The following EVC variants were observed in gnomAD, a reference collection of about 807,000 sequenced individuals.
The protein encoded by EVC is EvC ciliary complex subunit 1, also known as evC complex member EVC.
Under a neutral mutation model 118.9 loss-of-function variants are expected in EVC, and 116 were observed. The observed-to-expected ratio is 0.98, with a 90% confidence interval of 0.84 to 1.14. The LOEUF (loss-of-function observed/expected upper bound fraction) is 1.14. EVC is among the 50% of genes most tolerant of loss of function. EVC has a pLI of 0.00. For missense variants in EVC, 1,401 were observed against 1,246.4 expected (o/e 1.12, Z -1.87); for synonymous variants, 619 against 534.7 (o/e 1.16, Z -2.18).
Position 5,798,296 on chromosome 4 carries a change from A to T in EVC, c.2098-290A>T, listed in dbSNP as rs532123792. Among the ~76,000 whole-genome samples, 21 of 152,116 alleles carry T rather than the reference A, an allele frequency of 1.4e-4. No homozygotes were observed. Among genetic ancestry groups the T allele is most frequent in the African/African-American group, 4.8e-4 (20 of 41,462 alleles). ...TCAGTGCTAGTGTTCAGGTCTCATG[A>T]TGTTCTAGAAGGATGAGCAAGGCCC... is the stretch of plus-strand genomic sequence containing the variant. On this transcript the variant is annotated intron_variant, in intron 14 of 20. Transcript: ENST00000264956. This position sits in a 1 kb window ranked among gnomAD's most constrained non-coding sequence, Gnocchi z 4.1.
intron 11 of EVC, among the ~76,000 whole-genome samples, chr4:5,772,079 G>A (rs774532963): frequency 4.7e-4 from 72 of 151,952 alleles, no homozygotes; most frequent in Non-Finnish European, 8.5e-4. Context: ...TGTATTTTTA[G>A]TAGAGACAAG....
rs1163839051 is a variant in EVC at position 5,754,595 on chromosome 4, T to G, written c.1464+662T>G. 6.6e-6 allele frequency among the ~76,000 whole-genome samples: 1 copy of G among 151,998 alleles called. No individual in the cohort carries two copies. The highest frequency in any genetic ancestry group is 2.0e-4 in the East Asian group (1 of 5,126). On this transcript the variant is annotated intron_variant, in intron 10 of 20. Transcript: ENST00000264956. This position sits in a 1 kb window ranked among gnomAD's most constrained non-coding sequence, Gnocchi z 5.8. ...TCGCTCTGCTTGCTTTCACTAGTAA[T>G]GGGCAGTGGGGCTGGGAGAGGACCA...
At chr4:5,773,007 G>C (rs1425641860) in intron 11 of EVC, among the ~76,000 whole-genome samples, 1 of 152,120 alleles carries the variant, frequency 6.6e-6, no homozygotes, top group Non-Finnish European at 1.5e-5. Context: ...AGCCTGGGGG[G>C]AGCATGTGTG....
chr4:5,732,371 T>A (rs73795031), intron 4 of EVC, among the ~76,000 whole-genome samples: 2 of 152,114 alleles, frequency 1.3e-5, no homozygotes, highest in African/African-American at 4.8e-5. Flanking sequence ...AACACTGGGC[T>A]CAGCACCTTG....
At chr4:5,773,036 T>C (rs3856954) in intron 11 of EVC, among the ~76,000 whole-genome samples, 1,761 of 152,310 alleles carry the variant, frequency 0.012, 49 homozygotes, top group African/African-American at 0.04. Context: ...CCTGTTGGGC[T>C]GTGAACTCCC....
intron 11 of EVC, among the ~76,000 whole-genome samples, chr4:5,759,252 G>A (rs374247039): frequency 3.3e-5 from 4 of 121,266 alleles, no homozygotes; most frequent in South Asian, 3.3e-4. Context: ...TGCAGGAGAC[G>A]TTGCCTACTG....
At chr4:5,823,655 T>C in the EVC span, among the ~76,000 whole-genome samples, 7 of 152,202 alleles carry the variant, frequency 4.6e-5, no homozygotes, top group Admixed American at 4.6e-4. Context: ...ACCTCTGCCT[T>C]CTTCCTCTGT....
intron 12 of EVC, among the ~76,000 whole-genome samples, chr4:5,791,636 A>G (rs1406656550): frequency 6.6e-6 from 1 of 152,172 alleles, no homozygotes; most frequent in Non-Finnish European, 1.5e-5. Flanking sequence ...CCTGGGAGAG[A>G]AAAGAATAGC....
chr4:5,824,007 G>T, the EVC span, among the ~76,000 whole-genome samples: 1 of 152,244 alleles, frequency 6.6e-6, no homozygotes, highest in South Asian at 2.1e-4. Context: ...GACAGCAGTG[G>T]TGCTGTGGGC....
chr4:5,797,524 TG>T (rs1163483116), intron 14 of EVC: 5 of 525,344 alleles, frequency 9.5e-6, no homozygotes, highest in Non-Finnish European at 1.4e-5. Context: ...CTTCAACCTG[TG>T]TCCTCCAGGT....
At chr4:5,810,512 T>C (rs1716737033) in intron 20 of EVC, 62 bp downstream of exon 20, 3 of 1,296,064 alleles carry the variant, frequency 2.3e-6, no homozygotes, top group Non-Finnish European at 3.3e-6. Context: ...TCAGCTGCTG[T>C]GTGCCAAAAG....
At chr4:5,815,817 G>A (rs560064627), downstream of EVC, among the ~76,000 whole-genome samples, 4 of 152,236 alleles carry the variant, frequency 2.6e-5, no homozygotes, top group Admixed American at 6.5e-5. Context: ...ACCATTGACC[G>A]GCCACATGCC....
intron 13 of EVC, among the ~76,000 whole-genome samples, chr4:5,795,043 T>C (rs1713685905): frequency 1.3e-5 from 2 of 152,226 alleles, no homozygotes; most frequent in South Asian, 2.1e-4. Flanking sequence ...GCTGCATCCA[T>C]GTTACTGCAA....
At chr4:5,761,418 G>T (rs546721848) in intron 11 of EVC, among the ~76,000 whole-genome samples, 4 of 144,840 alleles carry the variant, frequency 2.8e-5, no homozygotes, top group Admixed American at 1.5e-4. Context: ...CTGGAAAAAC[G>T]CAAGTCACAG....
chr4:5,712,471 A>G (rs3774858), intron 1 of EVC, among the ~76,000 whole-genome samples: 126,416 of 152,188 alleles, frequency 0.83, 52,820 homozygotes, highest in African/African-American at 0.92. Flanking sequence ...CCTGGCATAT[A>G]GCAGGCATTC....
In EVC at chr4:5,711,416, G is replaced by T; in HGVS notation, c.36G>T (p.Ala12=). 1 of 1,024,892 alleles carries T rather than the reference G, an allele frequency of 9.8e-7. No homozygotes were observed. The highest frequency in any genetic ancestry group is 1.2e-6 in the Non-Finnish European group (1 of 858,834). 63.5% of individuals were successfully genotyped at this position (1,024,892 alleles called of 1,614,324 possible). A position where few individuals can be genotyped will look rare whatever the true frequency, so the allele number is the denominator to read the frequency against. Residue 12 remains alanine, a synonymous_variant, in exon 1 of 21, where the codon GCG becomes GCT. Transcript: ENST00000264956. ...ARGGAACKSD[A]RLLLGRDALR... ...GCGGGGCGGCCTGCAAGAGCGACGC[G>T]CGGCTGCTGCTGGGGCGGGACGCGC...
intron 1 of EVC, among the ~76,000 whole-genome samples, chr4:5,718,046 G>T (rs9996103): frequency 0.8 from 122,331 of 152,178 alleles, 49,514 homozygotes; most frequent in African/African-American, 0.89. Flanking sequence ...TTTCTTTAGT[G>T]CAAAGATTAT....
intron 7 of EVC, among the ~76,000 whole-genome samples, chr4:5,747,919 C>T (rs1301717102): frequency 6.6e-6 from 1 of 152,178 alleles, no homozygotes; most frequent in African/African-American, 2.4e-5. Flanking sequence ...GCTCTCGTGT[C>T]TGCTGAAACA....
chr4:5,752,128 G>A (rs748233), intron 8 of EVC, among the ~76,000 whole-genome samples: 16,196 of 152,152 alleles, frequency 0.11, 1,045 homozygotes, highest in East Asian at 0.3. Context: ...TGAGCTGGGC[G>A]TGGCTGGGAG....
Sources: gnomAD v4.1 joint callset for allele counts (sites outside exome capture counted in the v4.1 genomes callset) on GRCh38, gnomAD v4.1.1 for gene constraint, Gnocchi (gnomAD v3.1) non-coding constraint, MANE v1.5 for transcripts, NCBI Gene and HGNC (gene_info 2026-07-23, HGNC 2026-07-21) for gene names.